PMS1: variants seen among roughly 807,000 people sequenced by gnomAD.
PMS1 encodes the protein PMS1 homolog 1, mismatch repair system component.
Under a neutral mutation model 93.1 loss-of-function variants are expected in PMS1, and 79 were observed. The ratio of observed to expected loss-of-function variants is 0.85; its 90% confidence interval spans 0.71 to 1.02. PMS1 has a LOEUF of 1.02. Ranked by LOEUF, PMS1 falls within the 50% of genes least tolerant of loss-of-function variation. The pLI, the probability that PMS1 is intolerant of heterozygous loss-of-function variation, is 0.00. For synonymous variants in PMS1, 335 were observed against 363.4 expected (o/e 0.92, Z 0.89); for missense variants, 1,064 against 1,085.3 (o/e 0.98, Z 0.28).
chr2:189,842,798 G>T (rs1273059949), intron 5 of PMS1, among the ~76,000 whole-genome samples: 1 of 152,088 alleles, frequency 6.6e-6, no homozygotes, highest in Non-Finnish European at 1.5e-5. Flanking sequence ...ATAGGGCATG[G>T]ATTATGGTGT....
chr2:189,812,381 A>G (rs920542657), intron 4 of PMS1, among the ~76,000 whole-genome samples: 1 of 152,218 alleles, frequency 6.6e-6, no homozygotes, highest in Non-Finnish European at 1.5e-5. Context: ...GTACAAAGTG[A>G]AGGCAATTTC....
At position 189,809,767 on chromosome 2, in the gene PMS1, G is replaced by T. The variant is rs1205727672; in HGVS notation, c.418+4013G>T. Among the ~76,000 whole-genome samples the T allele has an allele frequency of 2.6e-5, 4 of 152,032 alleles. No individual in the cohort carries two copies. The East Asian group carries it at 7.7e-4, about 29-fold the overall frequency. On this transcript the variant is annotated intron_variant, in intron 4 of 12. Transcript: ENST00000441310. ...GAATTGCATGAACCCAGGAGGCGGA[G>T]GTTGCAGTGAGCCGAGATTGTGCCA...
chr2:189,786,035 G>A (rs1302748281), intron 1 of PMS1, among the ~76,000 whole-genome samples: 1 of 152,170 alleles, frequency 6.6e-6, no homozygotes, highest in African/African-American at 2.4e-5. Flanking sequence ...TGGGACAGGA[G>A]AATTGCTTGA....
At chr2:189,827,914 T>G (rs1279802403) in intron 5 of PMS1, among the ~76,000 whole-genome samples, 2 of 150,030 alleles carry the variant, frequency 1.3e-5, no homozygotes, top group East Asian at 1.9e-4. Context: ...AAAAATAAGG[T>G]TTTGTTTGTT....
Position 189,873,621 on chromosome 2 carries a change from G to C in PMS1, c.2599G>C (p.Glu867Gln). Residue 867 changes from glutamate to glutamine, a missense_variant, in exon 12 of 13, where the codon GAA (glutamate) becomes CAA (glutamine). Glu to Gln is a conservative substitution (Grantham distance 29). Transcript: ENST00000441310. ...ILNRNAKEVY[E>Q]CRPRKVISYL... Reference sequence around the variant, plus strand: ...AAACAGAAATGCAAAGGAAGTTTATGAATGTAGACCTCGCAAAGTGATAAG... The same window carrying C: ...AAACAGAAATGCAAAGGAAGTTTATCAATGTAGACCTCGCAAAGTGATAAG... The C allele has an allele frequency of 6.2e-7, 1 of 1,606,686 alleles. No homozygotes were observed. The highest frequency in any genetic ancestry group is 1.7e-4 in the Middle Eastern group (1 of 6,034).
intron 5 of PMS1, among the ~76,000 whole-genome samples, chr2:189,829,510 C>T (rs1487628186): frequency 6.6e-6 from 1 of 152,148 alleles, no homozygotes; most frequent in Non-Finnish European, 1.5e-5. Flanking sequence ...TCATTATCAT[C>T]CTTCTCTTGG....
At chr2:189,819,946 A>T (rs907341860) in intron 5 of PMS1, among the ~76,000 whole-genome samples, 3 of 152,200 alleles carry the variant, frequency 2.0e-5, no homozygotes, top group African/African-American at 7.2e-5. Context: ...GGTGAATCTT[A>T]AAGGAAAGAA....
intron 4 of PMS1, among the ~76,000 whole-genome samples, chr2:189,809,400 C>T (rs1490154444): frequency 6.8e-6 from 1 of 146,172 alleles, no homozygotes; most frequent in African/African-American, 2.6e-5. Flanking sequence ...GGGGCCTCCT[C>T]CCTATTATTG....
intron 5 of PMS1, among the ~76,000 whole-genome samples, chr2:189,841,806 T>A (rs1470596277): frequency 8.1e-3 from 1 of 124 alleles, no homozygotes; most frequent in East Asian, 0.17. Flanking sequence ...ACTTCACACA[T>A]GTAGAATGGG....
intron 9 of PMS1, among the ~76,000 whole-genome samples, chr2:189,859,556 G>A (rs918268048): frequency 9.9e-5 from 15 of 152,124 alleles, no homozygotes; most frequent in African/African-American, 3.4e-4. Flanking sequence ...ATGGGATCCA[G>A]GTATCACTTT....
In PMS1 at chr2:189,854,895, T is replaced by G. The variant is rs113372387; in HGVS notation, c.1623T>G (p.Leu541=). ...ATCCAATCCCTGAACAAATGAATCT[T>G]AATGAAGATTCATGTAACAAAAAAT... is the stretch of plus-strand genomic sequence containing the variant. The part of the protein sequence containing the change: ...NNYPIPEQMN[L]NEDSCNKKSN... Residue 541 remains leucine, a synonymous_variant, in exon 9 of 13, where the codon CTT becomes CTG. Transcript: ENST00000441310. 16 of 1,605,082 alleles carry G rather than the reference T, an allele frequency of 1.0e-5. No individual in the cohort carries two copies. In the African/African-American group the frequency reaches 1.1e-4, roughly 11 times the overall value.
At chr2:189,802,968 T>C (rs2050022879) in intron 3 of PMS1, among the ~76,000 whole-genome samples, 1 of 152,180 alleles carries the variant, frequency 6.6e-6, no homozygotes, top group Non-Finnish European at 1.5e-5. Flanking sequence ...AGGCTCCCCA[T>C]AGTGGGTATC....
chr2:189,854,993 C>G lies in PMS1; in HGVS notation c.1721C>G (p.Pro574Arg). ...DLLSNRVIKK[P>R]MSASALFVQD... The stretch of plus-strand genomic sequence containing the variant: ...CTTAGCAATCGAGTAATCAAGAAAC[C>G]CATGTCAGCAAGTGCTCTTTTTGTT... The change falls in exon 9 of 13, where the codon CCC becomes CGC. Residue 574 changes from proline to arginine, a missense_variant. By Grantham distance (103) the Pro-to-Arg change is moderately radical (BLOSUM62 -2). Transcript: ENST00000441310. 6.2e-7 allele frequency: 1 copy of G among 1,613,286 alleles called. No individual in the cohort carries two copies. Among genetic ancestry groups the G allele is most frequent in the South Asian group, 1.1e-5 (1 of 91,042 alleles).
intron 10 of PMS1, among the ~76,000 whole-genome samples, chr2:189,864,610 G>A (rs1448721289): frequency 7.8e-6 from 1 of 127,944 alleles, no homozygotes; most frequent in African/African-American, 2.9e-5. Context: ...GAGCTGAGAC[G>A]GTGCCATTGC....
At chr2:189,859,819 G>T (rs2055756397) in intron 9 of PMS1, among the ~76,000 whole-genome samples, 1 of 151,896 alleles carries the variant, frequency 6.6e-6, no homozygotes, top group African/African-American at 2.4e-5. Context: ...ACTAAAATGA[G>T]AATTAAAAAA....
chr2:189,798,818 T>C (rs1171618205), intron 3 of PMS1, among the ~76,000 whole-genome samples: 3 of 151,972 alleles, frequency 2.0e-5, no homozygotes, highest in African/African-American at 4.8e-5. Context: ...TTAAGCTTTA[T>C]TTGGTAGATT....
chr2:189,798,886 A>G (rs2049615690), intron 3 of PMS1, among the ~76,000 whole-genome samples: 1 of 151,914 alleles, frequency 6.6e-6, no homozygotes, highest in Non-Finnish European at 1.5e-5. Context: ...GTAACCCTTC[A>G]GAGCTGAAAT....
chr2:189,798,612 A>G (rs1374210398), intron 3 of PMS1, among the ~76,000 whole-genome samples: 1 of 152,172 alleles, frequency 6.6e-6, no homozygotes. Context: ...GGGAATCCAC[A>G]ACCCTGGATC....
chr2:189,845,990 C>G (rs1463854638), intron 6 of PMS1, among the ~76,000 whole-genome samples: 1 of 152,008 alleles, frequency 6.6e-6, no homozygotes, highest in African/African-American at 2.4e-5. Flanking sequence ...TCCCAAAGTG[C>G]TAGGATTACA....
Sources: gnomAD v4.1 joint callset for allele counts (sites outside exome capture counted in the v4.1 genomes callset) on GRCh38, gnomAD v4.1.1 for gene constraint, MANE v1.5 for transcripts, NCBI Gene and HGNC (gene_info 2026-07-23, HGNC 2026-07-21) for gene names.